Variants in SLC43A2 observed in about 807,000 individuals in gnomAD.
SLC43A2 encodes solute carrier family 43 member 2, also known as large neutral amino acids transporter small subunit 4.
SLC43A2 carries 38 observed loss-of-function variants against 63.2 expected under a neutral mutation model. The ratio of observed to expected loss-of-function variants is 0.60; its 90% CI spans 0.46 to 0.79. SLC43A2 has a LOEUF of 0.79. SLC43A2 is among the 30% of genes least tolerant of loss of function. SLC43A2 has a pLI of 0.00. For missense variants in SLC43A2, 644 were observed against 756.2 expected (o/e 0.85, Z 1.74); for synonymous variants, 322 against 331.0 (o/e 0.97, Z 0.30).
chr17:1,616,192 C>T (rs888771938), intron 3 of SLC43A2, among the ~76,000 whole-genome samples: 7 of 151,668 alleles, frequency 4.6e-5, no homozygotes, highest in African/African-American at 1.5e-4. Context: ...TTTTTTTTCT[C>T]ATCAGATGGA....
intron 2 of SLC43A2, among the ~76,000 whole-genome samples, chr17:1,620,592 G>C (rs537744817): frequency 1.3e-5 from 2 of 151,962 alleles, no homozygotes; most frequent in African/African-American, 4.8e-5. Flanking sequence ...CCCTCTGCCC[G>C]GCCGCCTGCC....
rs187935096 is a variant in SLC43A2, at chr17:1,622,855, G to A, written c.160+4860C>T. ...CTTTAACCCGGGAGATGGAGTTTGC[G>A]GTGAGCTGAGATCATGCCATTGTAC... On this transcript the variant is annotated intron_variant, in intron 2 of 13. Coordinates refer to ENST00000301335, the MANE Select transcript of SLC43A2 (RefSeq NM_152346.3). Among the ~76,000 whole-genome samples the A allele has an allele frequency of 5.4e-3, 820 of 152,054 alleles. 4 individuals are homozygous for A. Among genetic ancestry groups the A allele is most frequent in the Middle Eastern group, 0.024 (7 of 292 alleles).
At chr17:1,609,394 G>T (rs1906896379) in intron 5 of SLC43A2, among the ~76,000 whole-genome samples, 1 of 152,038 alleles carries the variant, frequency 6.6e-6, no homozygotes, top group African/African-American at 2.4e-5. Context: ...TAGAGACGGG[G>T]TTTCACCATA....
intron 2 of SLC43A2, 65 bp downstream of exon 2, chr17:1,627,650 C>G (rs1567654327): frequency 1.5e-6 from 1 of 683,134 alleles, no homozygotes; most frequent in Non-Finnish European, 2.3e-6. Flanking sequence ...GTCTTCGCCC[C>G]CATCCCGCCC....
intron 11 of SLC43A2, among the ~76,000 whole-genome samples, chr17:1,579,384 C>T (rs1598432542): frequency 1.3e-5 from 2 of 150,254 alleles, no homozygotes; most frequent in Middle Eastern, 3.2e-3. Flanking sequence ...TCGCTTGAAC[C>T]GGGGAGGCGG....
At chr17:1,585,367 G>T (rs1230624191) in intron 10 of SLC43A2, 1 of 468,758 alleles carries the variant, frequency 2.1e-6, no homozygotes, top group Admixed American at 4.9e-5. Flanking sequence ...TCAGCCTCCT[G>T]AGTAGCTGGG....
At position 1,583,600 on chromosome 17, in the gene SLC43A2, G is replaced by T; in HGVS notation, c.1218-264C>A. 1 of 428,282 alleles carries T rather than the reference G, an allele frequency of 2.3e-6. No homozygotes were observed. Among genetic ancestry groups the T allele is most frequent in the Non-Finnish European group, 4.2e-6 (1 of 238,766 alleles). The allele number at this position is 428,282 out of a possible 1,614,324, so 26.5% of individuals were successfully genotyped here. A position where few individuals can be genotyped will look rare whatever the true frequency, so the allele number is the denominator to read the frequency against. ...CCATATGCTGCAGTGCTCTGTGAAG[G>T]CTGAGCTAAGACGACGGGGAGAGAA... On this transcript the variant is annotated intron_variant, in intron 10 of 13. Transcript: ENST00000301335. The surrounding 1 kb of genome is among the most constrained non-coding windows in gnomAD (Gnocchi z 5.5).
At chr17:1,627,944 C>T in intron 1 of SLC43A2, 24 bp from the exon 2 acceptor site, 2 of 1,384,410 alleles carry the variant, frequency 1.4e-6, no homozygotes, top group Non-Finnish European at 1.9e-6. Context: ...TCGGCGTCAG[C>T]GGCCGGCCCT....
In SLC43A2 at chr17:1,591,325, TG is replaced by T; in HGVS notation, c.874del (p.His292ThrfsTer12). 6.2e-7 allele frequency: 1 copy of T among 1,609,048 alleles called. No homozygotes were observed. Among genetic ancestry groups the T allele is most frequent in the Non-Finnish European group, 8.5e-7 (1 of 1,179,926 alleles). On this transcript the variant is annotated frameshift_variant, in exon 8 of 14. Transcript: ENST00000301335. LOFTEE classifies it high-confidence loss of function. Reference protein sequence around the residue: ...AKEQVALQEGHKLCLSTVDLE... With the variant: ...AKEQVALQEGXKLCLSTVDLE... ...GTCGACGGTGGACAGGCACAGCTTG[TG>T]GCCCTCCTGCAGCGCCACCTGCTCC... is the stretch of plus-strand genomic sequence containing the variant.
At chr17:1,579,148 A>AAT (rs2075975961) in intron 11 of SLC43A2, among the ~76,000 whole-genome samples, 1 of 145,406 alleles carries the variant, frequency 6.9e-6, no homozygotes, top group African/African-American at 2.5e-5. Flanking sequence ...CAAAAAAAAA[A>AAT]AATAATAATA....
intron 5 of SLC43A2, among the ~76,000 whole-genome samples, chr17:1,602,244 C>A (rs188011517): frequency 6.6e-6 from 1 of 152,140 alleles, no homozygotes; most frequent in Admixed American, 6.5e-5. Context: ...TGGATTCCAG[C>A]GATCCTTCCA....
Position 1,593,377 on chromosome 17 carries a change from C to CGAA in SLC43A2, c.502-99_502-98insTTC. ...ACTAGGCCCCATGAGGCCCCTTCTT[C>CGAA]ACCTGCGCCCCTTCCTGTGTGACTC... On this transcript the variant is annotated intron_variant, in intron 5 of 13. Transcript: ENST00000301335. This position sits in a 1 kb window ranked among gnomAD's most constrained non-coding sequence, Gnocchi z 5.3. 3.8e-6 allele frequency: 4 copies of CGAA among 1,047,590 alleles called. No homozygotes were observed. In the South Asian group the frequency reaches 5.4e-5, roughly 14 times the overall value. The allele number at this position is 1,047,590 out of a possible 1,614,324, so 64.9% of individuals were successfully genotyped here.
intron 5 of SLC43A2, among the ~76,000 whole-genome samples, chr17:1,610,992 C>T (rs758721173): frequency 7.9e-5 from 12 of 151,928 alleles, no homozygotes; most frequent in Non-Finnish European, 1.6e-4. Context: ...AGGGACCCAC[C>T]ACTGTGCCCA....
At chr17:1,616,116 G>A (rs1335908785) in intron 3 of SLC43A2, among the ~76,000 whole-genome samples, 1 of 151,476 alleles carries the variant, frequency 6.6e-6, no homozygotes, top group Non-Finnish European at 1.5e-5. Flanking sequence ...TTGGGGGTAC[G>A]TGTTGAAAAT....
Position 1,605,201 on chromosome 17 carries a change from C to T in SLC43A2, c.501+7994G>A, listed in dbSNP as rs568625960. ...CCGGGCTGTTCACTCACTGCCTCCACGCAGCCTCAGTCACACAGGGAAGCC... is the reference window on the plus strand; with the variant it reads ...CCGGGCTGTTCACTCACTGCCTCCATGCAGCCTCAGTCACACAGGGAAGCC... On this transcript the variant is annotated intron_variant, in intron 5 of 13. Transcript: ENST00000301335. The surrounding 1 kb of genome is among the most constrained non-coding windows in gnomAD (Gnocchi z 4.9). 4.0e-5 allele frequency: 46 copies of T among 1,135,960 alleles called. No individual in the cohort carries two copies. Among genetic ancestry groups the T allele is most frequent in the Middle Eastern group, 4.0e-4 (1 of 2,480 alleles). The allele number at this position is 1,135,960 out of a possible 1,614,324, so 70.4% of individuals were successfully genotyped here. A position where few individuals can be genotyped will look rare whatever the true frequency, so the allele number is the denominator to read the frequency against.
In SLC43A2 at chr17:1,604,922, G is replaced by T. The variant is rs1050176851; in HGVS notation, c.501+8273C>A. 3.9e-6 allele frequency: 6 copies of T among 1,526,746 alleles called. No homozygotes were observed. The Middle Eastern group carries it at 8.6e-4, about 218-fold the overall frequency. 94.6% of individuals were successfully genotyped at this position (1,526,746 alleles called of 1,614,324 possible). ...CCGGTCTCAGCTGCGCATAATGGCT[G>T]TTCGAAGCCGCGGTGCCGGAGTGAG... is the stretch of plus-strand genomic sequence containing the variant. On this transcript the variant is annotated intron_variant, in intron 5 of 13. Transcript: ENST00000301335.
chr17:1,579,490 CTAAA>C (rs1004654307), intron 11 of SLC43A2, among the ~76,000 whole-genome samples: 16 of 151,292 alleles, frequency 1.1e-4, no homozygotes, highest in African/African-American at 3.9e-4. Context: ...AAATTTATGA[CTAAA>C]TAAATAAATT....
In SLC43A2 at chr17:1,605,456, G is replaced by A. The variant is rs907129160; in HGVS notation, c.501+7739C>T. Among the ~76,000 whole-genome samples the A allele has an allele frequency of 1.1e-4, 17 of 152,212 alleles. No homozygotes were observed. The highest frequency in any genetic ancestry group is 2.1e-4 in the Non-Finnish European group (14 of 68,042). On this transcript the variant is annotated intron_variant, in intron 5 of 13. Transcript: ENST00000301335. The surrounding 1 kb of genome is among the most constrained non-coding windows in gnomAD (Gnocchi z 4.9). Reference sequence around the variant, plus strand: ...TGCCTTTTGGCCCAGGGCAGGCCATGGCATTGCTGGCAGGCAGAAACAAGG... The same window carrying A: ...TGCCTTTTGGCCCAGGGCAGGCCATAGCATTGCTGGCAGGCAGAAACAAGG...
At chr17:1,586,166 A>C in intron 9 of SLC43A2, 115 bp from the exon 10 acceptor site, 1 of 1,432,000 alleles carries the variant, frequency 7.0e-7, no homozygotes, top group Admixed American at 2.7e-5. Flanking sequence ...TCTGCCCCAG[A>C]ACCCCCTGTC....
Sources: gnomAD v4.1 joint callset for allele counts (sites outside exome capture counted in the v4.1 genomes callset) on GRCh38, gnomAD v4.1.1 for gene constraint, Gnocchi (gnomAD v3.1) non-coding constraint, MANE v1.5 for transcripts, NCBI Gene and HGNC (gene_info 2026-07-23, HGNC 2026-07-21) for gene names.